GRID2: variants seen among roughly 807,000 people sequenced by gnomAD.
GRID2 encodes glutamate ionotropic receptor delta type subunit 2, also known as glutamate receptor ionotropic, delta-2.
GRID2 carries 33 observed loss-of-function variants against 114.8 expected under a neutral mutation model. The ratio of observed to expected loss-of-function variants is 0.29; its 90% CI spans 0.22 to 0.38. The LOEUF (loss-of-function observed/expected upper bound fraction) is 0.38, where lower values mean the gene tolerates loss of function less well. Ranked by LOEUF, GRID2 falls within the 10% of genes least tolerant of loss-of-function variation. The pLI, the probability that GRID2 is intolerant of heterozygous loss-of-function variation, is 1.00. For synonymous variants in GRID2, 505 were observed against 449.9 expected, an observed-to-expected ratio of 1.12 and a Z score of -1.55; for missense variants, 1,184 against 1,257.7, an observed-to-expected ratio of 0.94 and a Z score of 0.89.
intron 2 of GRID2, among the ~76,000 whole-genome samples, chr4:92,837,356 A>C (rs919480315): frequency 6.6e-6 from 1 of 152,020 alleles, no homozygotes; most frequent in African/African-American, 2.4e-5. Context: ...ATGTTTACCC[A>C]AGAACAAGTC....
At chr4:92,349,711 A>G (rs1186692574) in intron 1 of GRID2, among the ~76,000 whole-genome samples, 1 of 151,816 alleles carries the variant, frequency 6.6e-6, no homozygotes, top group Non-Finnish European at 1.5e-5. Flanking sequence ...TGGTATTTTA[A>G]TATTTTGTAT....
chr4:93,382,715 A>G (rs1236531449), intron 8 of GRID2, among the ~76,000 whole-genome samples: 1 of 151,936 alleles, frequency 6.6e-6, no homozygotes, highest in Non-Finnish European at 1.5e-5. Context: ...GTCCCCCATC[A>G]TGTCTTTTTC....
intron 8 of GRID2, among the ~76,000 whole-genome samples, chr4:93,263,015 G>C (rs1486927558): frequency 6.6e-6 from 1 of 151,498 alleles, no homozygotes; most frequent in Non-Finnish European, 1.5e-5. Context: ...GTAAACTTTT[G>C]ATAACTATAG....
intron 2 of GRID2, among the ~76,000 whole-genome samples, chr4:92,972,414 T>C (rs1753580403): frequency 6.6e-6 from 1 of 151,996 alleles, no homozygotes; most frequent in African/African-American, 2.4e-5. Flanking sequence ...TATTTGACTG[T>C]GGGGGACATG....
At chr4:92,927,298 T>G (rs114255360) in intron 2 of GRID2, among the ~76,000 whole-genome samples, 1,802 of 151,966 alleles carry the variant, frequency 0.012, 25 homozygotes, top group Non-Finnish European at 0.014. Context: ...AATCTGATGT[T>G]TTATCTTACT....
chr4:92,752,712 G>T (rs1578144659), intron 2 of GRID2, among the ~76,000 whole-genome samples: 1 of 152,122 alleles, frequency 6.6e-6, no homozygotes, highest in African/African-American at 2.4e-5. Flanking sequence ...TAGGATACTT[G>T]TGATTTGAAA....
chr4:93,514,282 C>A (rs1480721287), intron 12 of GRID2, among the ~76,000 whole-genome samples: 2 of 151,914 alleles, frequency 1.3e-5, no homozygotes, highest in Admixed American at 1.3e-4. Context: ...AGATAGATAA[C>A]CTGGGACAAA....
At chr4:93,379,091 G>A (rs1226228553) in intron 8 of GRID2, among the ~76,000 whole-genome samples, 1 of 151,936 alleles carries the variant, frequency 6.6e-6, no homozygotes, top group Non-Finnish European at 1.5e-5. Flanking sequence ...ACTTCATATA[G>A]AGGATATGAT....
intron 2 of GRID2, among the ~76,000 whole-genome samples, chr4:92,683,954 A>G (rs12509314): frequency 0.17 from 26,544 of 151,856 alleles, 2,474 homozygotes; most frequent in East Asian, 0.34. Context: ...TTAAAAAATG[A>G]TCAAAAACAC....
At chr4:92,495,389 T>C (rs1237072220) in intron 1 of GRID2, among the ~76,000 whole-genome samples, 2 of 151,886 alleles carry the variant, frequency 1.3e-5, no homozygotes, top group Non-Finnish European at 2.9e-5. Flanking sequence ...AATGAAGAAA[T>C]AAGGTAGAGG....
At chr4:93,070,741 A>C (rs1413689056) in intron 2 of GRID2, among the ~76,000 whole-genome samples, 2 of 152,090 alleles carry the variant, frequency 1.3e-5, no homozygotes, top group Non-Finnish European at 2.9e-5. Flanking sequence ...CCAATTTTAA[A>C]ATTATCTAAA....
intron 1 of GRID2, among the ~76,000 whole-genome samples, chr4:92,329,947 G>A (rs1726791658): frequency 6.6e-6 from 1 of 150,416 alleles, no homozygotes; most frequent in South Asian, 2.1e-4. Flanking sequence ...GGAGAGAAGA[G>A]AGAGAGGGAA....
intron 2 of GRID2, among the ~76,000 whole-genome samples, chr4:92,614,126 C>A (rs1729886437): frequency 6.6e-6 from 1 of 151,470 alleles, no homozygotes; most frequent in African/African-American, 2.4e-5. Flanking sequence ...AACACTGGAA[C>A]TTATTCATTT....
At chr4:92,720,763 A>G (rs976602616) in intron 2 of GRID2, among the ~76,000 whole-genome samples, 2 of 152,096 alleles carry the variant, frequency 1.3e-5, no homozygotes, top group African/African-American at 2.4e-5. Flanking sequence ...AGTACAAGCC[A>G]TCACTATTCA....
intron 2 of GRID2, among the ~76,000 whole-genome samples, chr4:92,793,117 G>C (rs1336463574): frequency 6.6e-6 from 1 of 151,664 alleles, no homozygotes; most frequent in African/African-American, 2.4e-5. Context: ...CATATACCAG[G>C]TCAGTGGCAG....
chr4:92,423,924 A>T (rs1732025914), intron 1 of GRID2, among the ~76,000 whole-genome samples: 1 of 152,138 alleles, frequency 6.6e-6, no homozygotes. Flanking sequence ...TTAAAAAATA[A>T]AAAAGAGAAA....
chr4:93,235,490 A>T (rs938352660), intron 7 of GRID2, among the ~76,000 whole-genome samples: 5 of 152,176 alleles, frequency 3.3e-5, no homozygotes. Context: ...ATTTGAGGAT[A>T]GATGGAAAAA....
chr4:92,976,955 T>C (rs549375676), intron 2 of GRID2, among the ~76,000 whole-genome samples: 2 of 152,172 alleles, frequency 1.3e-5, no homozygotes, highest in Non-Finnish European at 2.9e-5. Context: ...ACTCACAGAT[T>C]AGCATCCATG....
chr4:93,597,167 T>A (rs1156806519), intron 13 of GRID2, among the ~76,000 whole-genome samples: 2 of 152,216 alleles, frequency 1.3e-5, no homozygotes, highest in East Asian at 3.8e-4. Context: ...CTTCATTCAA[T>A]TAAACAAACA....
Sources: allele counts gnomAD v4.1 joint callset (sites outside exome capture counted in the v4.1 genomes callset), GRCh38; gene constraint gnomAD v4.1.1; transcripts MANE v1.5; gene names NCBI Gene and HGNC (gene_info 2026-07-23, HGNC 2026-07-21).